CTNNA2: variants seen among roughly 807,000 people sequenced by gnomAD.
The protein encoded by CTNNA2 is catenin alpha 2.
CTNNA2 carries 42 observed loss-of-function variants against 101.0 expected under a neutral mutation model. That is an observed-to-expected ratio of 0.42 (90% confidence interval 0.32 to 0.54). The LOEUF is 0.54. Ranked by LOEUF, CTNNA2 falls within the 20% of genes least tolerant of loss-of-function variation. The pLI is 0.14. For missense variants in CTNNA2, 871 were observed against 1,223.1 expected (o/e 0.71, Z 4.29); for synonymous variants, 450 against 456.4 (o/e 0.99, Z 0.18).
rs538525919 is a variant in CTNNA2 at position 80,622,351 on chromosome 2, T to C, written c.2574+3123T>C. ...ACTCTAGCTTGGAGATATTCTGGTA[T>C]TGTGATAAAAGTGGAAAGAGATCAT... On this transcript the variant is annotated intron_variant, in intron 18 of 18. Transcript: ENST00000402739. Among the ~76,000 whole-genome samples the C allele has an allele frequency of 1.9e-3, 295 of 152,012 alleles. 1 individual carries two copies. The highest frequency in any genetic ancestry group is 3.4e-3 in the Middle Eastern group (1 of 294).
intron 1 of CTNNA2, among the ~76,000 whole-genome samples, chr2:79,578,108 G>A (rs573073871): frequency 3.2e-4 from 48 of 152,226 alleles, no homozygotes; most frequent in Middle Eastern, 3.4e-3. Flanking sequence ...GTAAATGAAC[G>A]AAAGCTATTA....
chr2:80,136,055 T>C (rs1702677049), intron 7 of CTNNA2, among the ~76,000 whole-genome samples: 1 of 152,172 alleles, frequency 6.6e-6, no homozygotes, highest in Non-Finnish European at 1.5e-5. Context: ...CTTAATCTCC[T>C]GGGCTTATGT....
At chr2:79,598,680 G>T (rs913406820) in intron 1 of CTNNA2, among the ~76,000 whole-genome samples, 14 of 152,162 alleles carry the variant, frequency 9.2e-5, no homozygotes, top group African/African-American at 3.4e-4. Flanking sequence ...TGAGTTTTAA[G>T]AATTCTTTGG....
chr2:80,511,893 G>A (rs1331696370), intron 9 of CTNNA2, among the ~76,000 whole-genome samples: 1 of 152,094 alleles, frequency 6.6e-6, no homozygotes, highest in Non-Finnish European at 1.5e-5. Context: ...GCTTATGCCT[G>A]TAATCCCAGC....
intron 2 of CTNNA2, among the ~76,000 whole-genome samples, chr2:79,214,809 G>A (rs1674226237): frequency 6.6e-6 from 1 of 151,922 alleles, no homozygotes; most frequent in African/African-American, 2.4e-5. Context: ...CTGGGCAGGT[G>A]GGGATAAGTA....
At chr2:80,048,505 TCTCAGG>T (rs1477463263) in intron 7 of CTNNA2, among the ~76,000 whole-genome samples, 2 of 152,174 alleles carry the variant, frequency 1.3e-5, no homozygotes, top group African/African-American at 4.8e-5. Flanking sequence ...TCAGCATAAT[TCTCAGG>T]TACACTTGGT....
intron 2 of CTNNA2, among the ~76,000 whole-genome samples, chr2:79,726,447 T>C (rs1686844256): frequency 6.6e-6 from 1 of 152,014 alleles, no homozygotes; most frequent in Non-Finnish European, 1.5e-5. Flanking sequence ...GTCAGAGCAG[T>C]GGGGGCATTA....
chr2:80,402,717 C>G (rs1027302812), intron 8 of CTNNA2, among the ~76,000 whole-genome samples: 4 of 150,216 alleles, frequency 2.7e-5, no homozygotes, highest in African/African-American at 7.3e-5. Context: ...GTTCAGGAAC[C>G]AGGGGCAATG....
At chr2:79,322,513 A>G (rs953056196) in intron 3 of CTNNA2, among the ~76,000 whole-genome samples, 3 of 152,226 alleles carry the variant, frequency 2.0e-5, no homozygotes, top group Non-Finnish European at 4.4e-5. Flanking sequence ...AAACTCTCAC[A>G]TTAGAAAATA....
At chr2:79,593,634 A>ACT (rs746489647) in intron 1 of CTNNA2, among the ~76,000 whole-genome samples, 1 of 149,404 alleles carries the variant, frequency 6.7e-6, no homozygotes, top group Non-Finnish European at 1.5e-5. Flanking sequence ...TCTCTATTTG[A>ACT]CTCTCTCTCT....
At chr2:79,188,603 C>A (rs1396506707) in intron 1 of CTNNA2, among the ~76,000 whole-genome samples, 1 of 152,112 alleles carries the variant, frequency 6.6e-6, no homozygotes, top group Admixed American at 6.5e-5. Flanking sequence ...ATACCGTATT[C>A]TCAGAGAGAA....
intron 2 of CTNNA2, among the ~76,000 whole-genome samples, chr2:79,255,133 C>T (rs994312239): frequency 1.3e-5 from 2 of 152,178 alleles, no homozygotes; most frequent in Admixed American, 1.3e-4. Context: ...TCCTCAAGCT[C>T]TTAAGATCCC....
Position 80,017,468 on chromosome 2 carries a change from GTA to G in CTNNA2, c.1056+107677_1056+107678del, listed in dbSNP as rs561627582. Among the ~76,000 whole-genome samples the G allele has an allele frequency of 4.4e-3, 668 of 151,382 alleles. 8 individuals carry two copies. Among genetic ancestry groups the G allele is most frequent in the African/African-American group, 0.015 (630 of 41,146 alleles). On this transcript the variant is annotated intron_variant, in intron 7 of 18. Coordinates refer to ENST00000402739, the MANE Select transcript of CTNNA2 (RefSeq NM_001282597.3). The stretch of plus-strand genomic sequence containing the variant: ...CGTGTGTATATATATGTATATATGT[GTA>G]TATATGTGTGTATATATATGTATAT...
At chr2:79,997,122 G>T (rs1692604484) in intron 7 of CTNNA2, among the ~76,000 whole-genome samples, 1 of 152,014 alleles carries the variant, frequency 6.6e-6, no homozygotes, top group South Asian at 2.1e-4. Context: ...TCTCTTGAAA[G>T]GCACCAAAAC....
chr2:79,512,298 A>C (rs1334638598), upstream of CTNNA2, among the ~76,000 whole-genome samples: 1 of 152,182 alleles, frequency 6.6e-6, no homozygotes, highest in Non-Finnish European at 1.5e-5. Context: ...TGAATCAAGA[A>C]AAGAATCACA....
At chr2:80,134,937 A>C (rs1358076387) in intron 7 of CTNNA2, among the ~76,000 whole-genome samples, 4 of 152,176 alleles carry the variant, frequency 2.6e-5, no homozygotes, top group African/African-American at 9.7e-5. Flanking sequence ...TGTTATTGTT[A>C]TGGTGGTGTT....
At chr2:79,557,991 G>A (rs536782376) in intron 1 of CTNNA2, among the ~76,000 whole-genome samples, 83 of 152,046 alleles carry the variant, frequency 5.5e-4, no homozygotes, top group Non-Finnish European at 1.1e-3. Flanking sequence ...GCATTGTACA[G>A]AATCTCCAGA....
chr2:80,057,497 G>T (rs566307437), intron 7 of CTNNA2, among the ~76,000 whole-genome samples: 1 of 152,278 alleles, frequency 6.6e-6, no homozygotes, highest in African/African-American at 2.4e-5. Context: ...GTGGTCTTGG[G>T]TCTGCAGAGC....
At chr2:79,970,766 T>C (rs1690420440) in intron 7 of CTNNA2, among the ~76,000 whole-genome samples, 1 of 152,006 alleles carries the variant, frequency 6.6e-6, no homozygotes, top group South Asian at 2.1e-4. Context: ...CATCCTTTCA[T>C]CCTTTGATGA....
Sources: allele counts gnomAD v4.1 joint callset (sites outside exome capture counted in the v4.1 genomes callset), GRCh38; gene constraint gnomAD v4.1.1; transcripts MANE v1.5; gene names NCBI Gene and HGNC (gene_info 2026-07-23, HGNC 2026-07-21).